The following RNFT2 variants were observed in gnomAD, a reference collection of about 807,000 sequenced individuals.
RNFT2 encodes E3 ubiquitin-protein ligase RNFT2.
In RNFT2, 36 loss-of-function variants were observed where a neutral mutation model predicts 53.0. The observed-to-expected ratio is 0.68, with a 90% confidence interval of 0.52 to 0.90. The LOEUF (loss-of-function observed/expected upper bound fraction) is 0.90, where lower values mean the gene tolerates loss of function less well. Among genes scored for constraint, RNFT2 ranks in the 40% least tolerant of loss-of-function variants. The pLI, the probability that RNFT2 is intolerant of heterozygous loss-of-function variation, is 0.00. For missense variants in RNFT2, 514 were observed against 585.6 expected, an observed-to-expected ratio of 0.88 and a Z score of 1.26; for synonymous variants, 260 against 253.2, an observed-to-expected ratio of 1.03 and a Z score of -0.26.
In RNFT2 at chr12:116,849,832, C is replaced by CCTTA. The variant is rs1877822331; in HGVS notation, c.*387_*388insACTT. The CCTTA allele has an allele frequency of 1.2e-5, 2 of 168,496 alleles. No homozygotes were observed. Among genetic ancestry groups the CCTTA allele is most frequent in the Non-Finnish European group, 1.5e-5 (2 of 132,684 alleles). 10.4% of individuals were successfully genotyped at this position (168,496 alleles called of 1,614,324 possible). On this transcript the variant is annotated 3_prime_UTR_variant, in exon 11 of 11. Transcript: ENST00000257575. Reference sequence around the variant, plus strand: ...TCTCTGTTTCCCTCCCTCCCTCCTTCCTTCCTTCCTTCCTTTTTTTTTTTT... The same window carrying CCTTA: ...TCTCTGTTTCCCTCCCTCCCTCCTTCCTTACTTCCTTCCTTCCTTTTTTTTTTTT...
At chr12:116,832,993 C>T (rs1053155222) in intron 7 of RNFT2, among the ~76,000 whole-genome samples, 8 of 141,292 alleles carry the variant, frequency 5.7e-5, no homozygotes, top group African/African-American at 2.1e-4. Flanking sequence ...TGGCTAACTG[C>T]AACTCTGCCT....
intron 5 of RNFT2, among the ~76,000 whole-genome samples, chr12:116,763,575 T>C (rs929143900): frequency 7.3e-5 from 11 of 150,852 alleles, no homozygotes; most frequent in African/African-American, 2.0e-4. Context: ...GAGACCATCC[T>C]GGCTAACACA....
At chr12:116,760,807 G>A (rs1344012684) in intron 5 of RNFT2, among the ~76,000 whole-genome samples, 3 of 152,078 alleles carry the variant, frequency 2.0e-5, no homozygotes, top group Admixed American at 6.5e-5. Flanking sequence ...GCGAGCTGCC[G>A]CCCGCTGCTC....
intron 1 of RNFT2, among the ~76,000 whole-genome samples, chr12:116,739,506 A>G (rs1354078694): frequency 6.6e-6 from 1 of 152,230 alleles, no homozygotes; most frequent in Non-Finnish European, 1.5e-5. Context: ...AGTGCTATGA[A>G]TAATATAAAA....
chr12:116,794,667 G>GC (rs1874408802), intron 7 of RNFT2, among the ~76,000 whole-genome samples: 1 of 70,110 alleles, frequency 1.4e-5, no homozygotes, highest in Non-Finnish European at 3.6e-5. Context: ...AGGAAGGGAG[G>GC]AAGGAAGGGA....
intron 7 of RNFT2, among the ~76,000 whole-genome samples, chr12:116,830,559 A>G (rs1876588569): frequency 6.6e-6 from 1 of 152,144 alleles, no homozygotes; most frequent in South Asian, 2.1e-4. Flanking sequence ...AAGTGTTGGG[A>G]GTACAGGTGT....
intron 7 of RNFT2, among the ~76,000 whole-genome samples, chr12:116,796,629 A>C (rs1451366572): frequency 6.6e-6 from 1 of 152,182 alleles, no homozygotes; most frequent in African/African-American, 2.4e-5. Context: ...TACATTTTCC[A>C]GGCCCTGAAC....
At chr12:116,778,793 T>C (rs1873556026) in intron 6 of RNFT2, among the ~76,000 whole-genome samples, 1 of 152,134 alleles carries the variant, frequency 6.6e-6, no homozygotes. Context: ...GAGGTTGCAG[T>C]GAGCCGAGAT....
intron 7 of RNFT2, among the ~76,000 whole-genome samples, chr12:116,832,625 A>G (rs776622235): frequency 2.0e-5 from 3 of 152,178 alleles, no homozygotes; most frequent in Non-Finnish European, 4.4e-5. Flanking sequence ...ACTTTATTAG[A>G]CACTACAGAG....
intron 8 of RNFT2, among the ~76,000 whole-genome samples, chr12:116,834,248 G>A (rs1408911038): frequency 1.3e-5 from 2 of 152,048 alleles, no homozygotes; most frequent in African/African-American, 4.8e-5. Context: ...CTCCAGAATA[G>A]CTGGGACTAC....
Position 116,821,802 on chromosome 12 carries a change from C to CTTTTTTTT in RNFT2, c.883-11965_883-11958dup, listed in dbSNP as rs149043452. Among the ~76,000 whole-genome samples, 127 of 43,932 alleles carry CTTTTTTTT rather than the reference C, an allele frequency of 2.9e-3. 10 individuals carry two copies. The highest frequency in any genetic ancestry group is 8.3e-3 in the African/African-American group (81 of 9,782). The allele number at this position is 43,932 out of a possible 152,430, so 28.8% of individuals were successfully genotyped here. On this transcript the variant is annotated intron_variant, in intron 7 of 10. Transcript: ENST00000257575. ...TCCTCCTTTTTCTGACTACTTGTTT[C>CTTTTTTTT]TTTTTTTTTTTTTTTTTTTTTTTTT... is the stretch of plus-strand genomic sequence containing the variant.
chr12:116,786,262 T>G (rs895518881), intron 7 of RNFT2, among the ~76,000 whole-genome samples: 45 of 151,944 alleles, frequency 3.0e-4, no homozygotes, highest in African/African-American at 1.1e-3. Flanking sequence ...GCTGGGATTA[T>G]AGACACGTGC....
At chr12:116,766,949 G>T in intron 6 of RNFT2, 35 bp downstream of exon 6, 1 of 1,486,560 alleles carries the variant, frequency 6.7e-7, no homozygotes, top group Non-Finnish European at 9.2e-7. Flanking sequence ...CGGTGGGAGA[G>T]TGGGGCACTT....
Position 116,850,610 on chromosome 12 carries a change from C to CTTTA in RNFT2, c.*1165_*1166insATTT, listed in dbSNP as rs1555211094. On this transcript the variant is annotated 3_prime_UTR_variant, in exon 11 of 11. Coordinates refer to ENST00000257575, the MANE Select transcript of RNFT2 (RefSeq NM_001382266.1). ...CTGTGAGCCCTGTGAAGTATTTTTT[C>CTTTA]TTTTCTTTTCTTTTTTTTTTTTTTT... 7.4e-6 allele frequency: 1 copy of CTTTA among 135,582 alleles called. No individual in the cohort carries two copies. The highest frequency in any genetic ancestry group is 7.5e-5 in the Admixed American group (1 of 13,310). The allele number at this position is 135,582 out of a possible 1,614,324, so 8.4% of individuals were successfully genotyped here.
chr12:116,760,172 C>T (rs1320642128), intron 5 of RNFT2, among the ~76,000 whole-genome samples: 3 of 152,140 alleles, frequency 2.0e-5, no homozygotes, highest in East Asian at 1.9e-4. Context: ...CCCTGCAAAA[C>T]GAAGGGCCGG....
chr12:116,800,382 C>G (rs1223680760), intron 7 of RNFT2, among the ~76,000 whole-genome samples: 1 of 151,840 alleles, frequency 6.6e-6, no homozygotes, highest in African/African-American at 2.4e-5. Context: ...CCTGTAATCC[C>G]AGCACTTTGG....
intron 7 of RNFT2, among the ~76,000 whole-genome samples, chr12:116,832,946 C>T (rs1291512546): frequency 7.3e-6 from 1 of 137,626 alleles, no homozygotes; most frequent in Non-Finnish European, 1.5e-5. Context: ...GCTCTGTTGC[C>T]CAGGCTGAAA....
chr12:116,801,887 T>C (rs1874814516), intron 7 of RNFT2, among the ~76,000 whole-genome samples: 2 of 152,144 alleles, frequency 1.3e-5, no homozygotes, highest in South Asian at 2.1e-4. Context: ...AGTGGTGCGA[T>C]CTTGGCTCAT....
chr12:116,765,686 A>G (rs1465519915), intron 5 of RNFT2, among the ~76,000 whole-genome samples: 1 of 152,186 alleles, frequency 6.6e-6, no homozygotes, highest in African/African-American at 2.4e-5. Context: ...GGGAAACAGC[A>G]AACTGAGGAT....
Sources: allele counts gnomAD v4.1 joint callset (sites outside exome capture counted in the v4.1 genomes callset), GRCh38; gene constraint gnomAD v4.1.1; transcripts MANE v1.5; gene names NCBI Gene and HGNC (gene_info 2026-07-23, HGNC 2026-07-21).